The following DNM3 variants were observed in gnomAD, a reference collection of about 807,000 sequenced individuals.
DNM3 encodes dynamin 3.
In DNM3, 47 loss-of-function variants were observed where a neutral mutation model predicts 101.6. That is an observed-to-expected ratio of 0.46 (90% confidence interval 0.37 to 0.59). DNM3 has a LOEUF of 0.59. Ranked by LOEUF, DNM3 falls within the 20% of genes least tolerant of loss-of-function variation. The pLI is 0.00. For missense variants in DNM3, 849 were observed against 1,085.7 expected, an observed-to-expected ratio of 0.78 and a Z score of 3.06; for synonymous variants, 385 against 387.9, an observed-to-expected ratio of 0.99 and a Z score of 0.09.
At chr1:172,238,063 A>G (rs572623685) in intron 14 of DNM3, among the ~76,000 whole-genome samples, 2 of 152,256 alleles carry the variant, frequency 1.3e-5, no homozygotes, top group East Asian at 1.9e-4. Flanking sequence ...TCATTACCAT[A>G]CTATAAATAC....
chr1:171,911,062 C>T (rs1005570341), intron 1 of DNM3, among the ~76,000 whole-genome samples: 3 of 152,198 alleles, frequency 2.0e-5, no homozygotes, highest in Non-Finnish European at 1.5e-5. Context: ...AAAAAGTTTG[C>T]GTGGGGGAAT....
chr1:171,869,742 T>A (rs1346273320), intron 1 of DNM3, among the ~76,000 whole-genome samples: 1 of 152,232 alleles, frequency 6.6e-6, no homozygotes, highest in Admixed American at 6.5e-5. Flanking sequence ...TGTTTGAAAA[T>A]GTAAAGTAAT....
rs190622985 is a variant in DNM3 at position 172,400,341 on chromosome 1, C to T, written c.2523-7431C>T. ...CACCATCAGTGGGAGTAGGTTTCTACAGCACATAAGTTTCTGGAGGTCTCT... is the reference window on the plus strand; with the variant it reads ...CACCATCAGTGGGAGTAGGTTTCTATAGCACATAAGTTTCTGGAGGTCTCT... On this transcript the variant is annotated intron_variant, in intron 20 of 20. Transcript: ENST00000627582. 8.6e-5 allele frequency among the ~76,000 whole-genome samples: 13 copies of T among 151,870 alleles called. No homozygotes were observed. The East Asian group carries it at 2.5e-3, about 29-fold the overall frequency.
At chr1:172,260,200 A>G (rs531546761) in intron 15 of DNM3, among the ~76,000 whole-genome samples, 2 of 151,908 alleles carry the variant, frequency 1.3e-5, no homozygotes, top group African/African-American at 4.8e-5. Context: ...TGTTAGTCTG[A>G]TGGGGTTCCT....
intron 6 of DNM3, among the ~76,000 whole-genome samples, chr1:172,037,992 G>T (rs2049092670): frequency 1.3e-5 from 2 of 152,146 alleles, no homozygotes; most frequent in South Asian, 4.1e-4. Flanking sequence ...AGGAGACCTG[G>T]TAAATCAATC....
intron 14 of DNM3, among the ~76,000 whole-genome samples, chr1:172,140,783 T>C (rs2057533770): frequency 2.0e-5 from 3 of 152,020 alleles, no homozygotes; most frequent in South Asian, 4.1e-4. Flanking sequence ...ATGTTTCTGA[T>C]AGATTTTTAA....
intron 1 of DNM3, among the ~76,000 whole-genome samples, chr1:171,886,902 T>A (rs1415486197): frequency 6.6e-6 from 1 of 152,234 alleles, no homozygotes; most frequent in African/African-American, 2.4e-5. Flanking sequence ...TCTGGTTTAA[T>A]GTTTTGAAAG....
rs1055760018 is a variant in DNM3 at position 172,084,614 on chromosome 1, T to TA, written c.1493+2719dup. On this transcript the variant is annotated intron_variant, in intron 12 of 20. Transcript: ENST00000627582. Reference sequence around the variant, plus strand: ...TGGTATTTTTTGTGCTTTTAAAAATTAAAAAAATATGGTTGTAGCTATAAA... The same window carrying TA: ...TGGTATTTTTTGTGCTTTTAAAAATTAAAAAAAATATGGTTGTAGCTATAAA... 2.6e-5 allele frequency among the ~76,000 whole-genome samples: 4 copies of TA among 152,184 alleles called. No individual in the cohort carries two copies. The South Asian group carries it at 6.2e-4, about 24-fold the overall frequency.
intron 1 of DNM3, among the ~76,000 whole-genome samples, chr1:171,897,443 C>A (rs1202008771): frequency 1.3e-5 from 2 of 152,146 alleles, no homozygotes; most frequent in Non-Finnish European, 2.9e-5. Context: ...CAGCTATTAT[C>A]CTCTACTCCA....
At chr1:172,372,010 A>T (rs1225207788) in intron 17 of DNM3, among the ~76,000 whole-genome samples, 1 of 147,890 alleles carries the variant, frequency 6.8e-6, no homozygotes, top group Non-Finnish European at 1.5e-5. Flanking sequence ...GGTGTGCTGC[A>T]CCCACTAACT....
chr1:171,983,723 G>A (rs75074058), intron 2 of DNM3, among the ~76,000 whole-genome samples: 1 of 152,254 alleles, frequency 6.6e-6, no homozygotes, highest in Non-Finnish European at 1.5e-5. Flanking sequence ...TAGCCGTGAA[G>A]ATATTTTTGT....
At chr1:172,376,836 A>G (rs991758972) in intron 17 of DNM3, among the ~76,000 whole-genome samples, 1 of 152,062 alleles carries the variant, frequency 6.6e-6, no homozygotes, top group African/African-American at 2.4e-5. Flanking sequence ...ATTAAACCAG[A>G]GTTCTCTATT....
intron 12 of DNM3, among the ~76,000 whole-genome samples, chr1:172,087,271 C>A (rs552577084): frequency 6.6e-6 from 1 of 152,274 alleles, no homozygotes; most frequent in Non-Finnish European, 1.5e-5. Flanking sequence ...ATCTTCTGAT[C>A]ATGGCTTAAG....
chr1:172,068,763 T>C, intron 10 of DNM3, 56 bp from the exon 11 acceptor site: 1 of 1,403,208 alleles, frequency 7.1e-7, no homozygotes, highest in Non-Finnish European at 9.9e-7. Flanking sequence ...TCTCTGCTTC[T>C]TTTTTGGTAG....
At chr1:171,984,437 G>A (rs2045088028) in intron 2 of DNM3, among the ~76,000 whole-genome samples, 1 of 152,092 alleles carries the variant, frequency 6.6e-6, no homozygotes, top group Non-Finnish European at 1.5e-5. Context: ...CGTGGACCTG[G>A]CTGTCCCTCA....
intron 14 of DNM3, among the ~76,000 whole-genome samples, chr1:172,157,389 G>T (rs901635591): frequency 6.6e-6 from 1 of 152,114 alleles, no homozygotes; most frequent in Non-Finnish European, 1.5e-5. Flanking sequence ...ACAGGCCAAG[G>T]ACTGGTACTG....
chr1:171,982,867 G>A (rs368728649), intron 2 of DNM3, among the ~76,000 whole-genome samples: 2 of 151,984 alleles, frequency 1.3e-5, no homozygotes, highest in South Asian at 2.1e-4. Flanking sequence ...AATTTCACAG[G>A]TTCCCACCAC....
chr1:172,001,897 G>T (rs2046380478), intron 4 of DNM3, among the ~76,000 whole-genome samples: 1 of 151,950 alleles, frequency 6.6e-6, no homozygotes. Flanking sequence ...GATATTCATT[G>T]ACCTTTGGCA....
chr1:172,013,199 A>G (rs1234090222), intron 4 of DNM3, among the ~76,000 whole-genome samples: 2 of 152,010 alleles, frequency 1.3e-5, no homozygotes, highest in African/African-American at 4.8e-5. Context: ...GTTTGTGGCT[A>G]TGTTTCGTCC....
Sources: gnomAD v4.1 joint callset for allele counts (sites outside exome capture counted in the v4.1 genomes callset) on GRCh38, gnomAD v4.1.1 for gene constraint, MANE v1.5 for transcripts, NCBI Gene and HGNC (gene_info 2026-07-23, HGNC 2026-07-21) for gene names.